The following GLIS3 variants were observed in gnomAD, a reference collection of about 807,000 sequenced individuals.
The protein encoded by GLIS3 is GLIS family zinc finger 3.
Under a neutral mutation model 78.6 loss-of-function variants are expected in GLIS3, and 53 were observed. The ratio of observed to expected loss-of-function variants is 0.67; its 90% CI spans 0.54 to 0.85. The LOEUF (loss-of-function observed/expected upper bound fraction) is 0.85, where lower values mean the gene tolerates loss of function less well. Among genes scored for constraint, GLIS3 ranks in the 40% least tolerant of loss-of-function variants. GLIS3 has a pLI of 0.00. For synonymous variants in GLIS3, 684 were observed against 509.9 expected (o/e 1.34, Z -4.60); for missense variants, 1,703 against 1,231.1 (o/e 1.38, Z -5.74).
rs757028972 is a variant in GLIS3, at chr9:4,117,915, G to A, written c.1563C>T (p.Ile521=). 13 of 1,614,034 alleles carry A rather than the reference G, an allele frequency of 8.1e-6. No homozygotes were observed. The highest frequency in any genetic ancestry group is 1.6e-4 in the Middle Eastern group (1 of 6,084). The change falls in exon 4 of 11, where the codon ATC becomes ATT. Residue 521 remains isoleucine, a synonymous_variant. Coordinates refer to ENST00000381971, the MANE Select transcript of GLIS3 (RefSeq NM_001042413.2). ...TGCGCTGGTCGATGTGGACCTTCTC[G>A]ATGTGCCGCACGAGCTCCTCCTGCT... ...YDQQEELVRH[I]EKVHIDQRKG... is the part of the protein sequence containing the mutation.
At chr9:4,421,318 G>A in the GLIS3 span, among the ~76,000 whole-genome samples, 2 of 152,326 alleles carry the variant, frequency 1.3e-5, no homozygotes, top group South Asian at 2.1e-4. Flanking sequence ...GGTGGTGAAG[G>A]CAAGCCTGGT....
At chr9:4,145,465 C>G (rs1263372795) in intron 2 of GLIS3, among the ~76,000 whole-genome samples, 1 of 152,042 alleles carries the variant, frequency 6.6e-6, no homozygotes, top group Non-Finnish European at 1.5e-5. Flanking sequence ...ATAGTACAAC[C>G]AATTGATTGG....
chr9:4,311,601 C>T (rs905661664), intron 2 of GLIS3, among the ~76,000 whole-genome samples: 15 of 152,280 alleles, frequency 9.9e-5, no homozygotes, highest in African/African-American at 3.6e-4. Context: ...CACTCCCCAG[C>T]TCCTACCCCT....
chr9:4,215,415 C>G (rs758333427), intron 2 of GLIS3, among the ~76,000 whole-genome samples: 6 of 151,740 alleles, frequency 4.0e-5, no homozygotes, highest in African/African-American at 7.3e-5. Context: ...AGGAAGTTCC[C>G]CTCTTTTTAA....
At chr9:4,164,333 G>A (rs1230360235) in intron 2 of GLIS3, among the ~76,000 whole-genome samples, 4 of 152,302 alleles carry the variant, frequency 2.6e-5, no homozygotes, top group South Asian at 2.1e-4. Context: ...AAAGCTTAGA[G>A]GACTTTGCTT....
rs537053589 is a variant in GLIS3, at chr9:4,229,138, A to G, written c.388+56900T>C. On this transcript the variant is annotated intron_variant, in intron 2 of 10. Coordinates refer to ENST00000381971, the MANE Select transcript of GLIS3 (RefSeq NM_001042413.2). ...ACCACTGAGGAAAAAGGTAATATCC[A>G]TGTATAAAAGATGTGAGGAAGGATA... is the stretch of plus-strand genomic sequence containing the variant. Among the ~76,000 whole-genome samples, 5 of 152,326 alleles carry G rather than the reference A, an allele frequency of 3.3e-5. No homozygotes were observed. In the South Asian group the frequency reaches 8.3e-4, roughly 25 times the overall value.
At chr9:4,324,019 G>A (rs1275061909) in intron 2 of GLIS3, among the ~76,000 whole-genome samples, 1 of 151,772 alleles carries the variant, frequency 6.6e-6, no homozygotes, top group Admixed American at 6.6e-5. Flanking sequence ...GGTCTTTTTG[G>A]GACCCTTCAC....
At chr9:4,298,516 G>T (rs1204510797) in intron 1 of GLIS3, 2 of 405,420 alleles carry the variant, frequency 4.9e-6, no homozygotes, top group Non-Finnish European at 9.9e-6. Context: ...GGCAAGGTGT[G>T]TGTCTAGGAG....
At chr9:4,306,921 A>T (rs906842240) in intron 4 of GLIS3, among the ~76,000 whole-genome samples, 3 of 152,274 alleles carry the variant, frequency 2.0e-5, no homozygotes, top group African/African-American at 7.2e-5. Context: ...TTGGAACTTG[A>T]TAATAACGTT....
rs563540385 is a variant in GLIS3 at position 4,164,794 on chromosome 9, G to C, written c.389-38853C>G. ...TGAAAATGAATAGATCAGGGAGGAA[G>C]GCAGTAAAACTCAGATGAACACTCC... On this transcript the variant is annotated intron_variant, in intron 2 of 10. Transcript: ENST00000381971. Among the ~76,000 whole-genome samples, 6 of 152,280 alleles carry C rather than the reference G, an allele frequency of 3.9e-5. No homozygotes were observed. The East Asian group carries it at 1.2e-3, about 29-fold the overall frequency.
At chr9:4,087,095 G>C (rs1293317806) in intron 4 of GLIS3, among the ~76,000 whole-genome samples, 3 of 152,136 alleles carry the variant, frequency 2.0e-5, no homozygotes, top group Non-Finnish European at 4.4e-5. Flanking sequence ...AAAATAAAAG[G>C]AATAACTATA....
At chr9:4,095,590 T>C (rs1829873906) in intron 4 of GLIS3, among the ~76,000 whole-genome samples, 2 of 152,186 alleles carry the variant, frequency 1.3e-5, no homozygotes, top group African/African-American at 4.8e-5. Context: ...AAGGAACATA[T>C]GAGTTCTAAT....
intron 2 of GLIS3, among the ~76,000 whole-genome samples, chr9:4,336,859 A>G (rs537316773): frequency 1.1e-4 from 16 of 152,364 alleles, no homozygotes; most frequent in African/African-American, 3.1e-4. Context: ...AGAGGTCTAC[A>G]AAGTTATCTG....
At chr9:4,117,629 A>C (rs1831762668) in intron 4 of GLIS3, 139 bp downstream of exon 4, 3 of 926,740 alleles carry the variant, frequency 3.2e-6, no homozygotes. Context: ...CCCTTCCTCA[A>C]GCTGAAGGGG....
chr9:4,397,016 C>CT, the GLIS3 span, among the ~76,000 whole-genome samples: 1 of 133,358 alleles, frequency 7.5e-6, no homozygotes, highest in Non-Finnish European at 1.6e-5. Context: ...ATCCTTTTTT[C>CT]TTTTTTTCTT....
chr9:4,165,373 G>A (rs1446789096), intron 2 of GLIS3, among the ~76,000 whole-genome samples: 3 of 152,190 alleles, frequency 2.0e-5, no homozygotes, highest in East Asian at 1.9e-4. Flanking sequence ...CCCAGGAGGC[G>A]GAGGTTGCAG....
At chr9:4,314,132 T>C (rs1817404629) in intron 2 of GLIS3, among the ~76,000 whole-genome samples, 3 of 152,216 alleles carry the variant, frequency 2.0e-5, no homozygotes, top group Admixed American at 1.3e-4. Context: ...AATGTGGGAA[T>C]AGTAATAGTA....
rs886063944 is a variant in GLIS3 at position 3,825,773 on chromosome 9, A to T, written c.*2499T>A. ...TGAACGTGTCCTATCCTGAGGCTGC[A>T]ATCTCAAGCCTGCAGCTATCAGGAA... On this transcript the variant is annotated 3_prime_UTR_variant, in exon 11 of 11. Coordinates refer to ENST00000381971, the MANE Select transcript of GLIS3 (RefSeq NM_001042413.2). The T allele has an allele frequency of 1.1e-4, 17 of 152,274 alleles. No individual in the cohort carries two copies. The highest frequency in any genetic ancestry group is 5.9e-5 in the Non-Finnish European group (4 of 68,082). 9.4% of individuals were successfully genotyped at this position (152,274 alleles called of 1,614,324 possible).
At chr9:4,055,926 A>C (rs1169879685) in intron 4 of GLIS3, among the ~76,000 whole-genome samples, 5 of 152,176 alleles carry the variant, frequency 3.3e-5, no homozygotes, top group Non-Finnish European at 5.9e-5. Flanking sequence ...GGAAGGAAGG[A>C]AGTCTATATT....
Sources: gnomAD v4.1 joint callset for allele counts (sites outside exome capture counted in the v4.1 genomes callset) on GRCh38, gnomAD v4.1.1 for gene constraint, MANE v1.5 for transcripts, NCBI Gene and HGNC (gene_info 2026-07-23, HGNC 2026-07-21) for gene names.